SGMS2: variants seen among roughly 807,000 people sequenced by gnomAD.
The protein encoded by SGMS2 is phosphatidylcholine:ceramide cholinephosphotransferase 2.
A neutral mutation model predicts 43.8 loss-of-function variants in SGMS2; 21 were observed. That is an observed-to-expected ratio of 0.48 (90% CI 0.34 to 0.69). The LOEUF (loss-of-function observed/expected upper bound fraction) is 0.69, where lower values mean the gene tolerates loss of function less well. Among genes scored for constraint, SGMS2 ranks in the 30% least tolerant of loss-of-function variants. The pLI is 0.01. For missense variants in SGMS2, 384 were observed against 443.2 expected, an observed-to-expected ratio of 0.87 and a Z score of 1.20; for synonymous variants, 167 against 160.6, an observed-to-expected ratio of 1.04 and a Z score of -0.30.
At chr4:107,901,160 G>A (rs1268377014) in intron 4 of SGMS2, among the ~76,000 whole-genome samples, 1 of 152,154 alleles carries the variant, frequency 6.6e-6, no homozygotes, top group African/African-American at 2.4e-5. Flanking sequence ...GCTACAAATA[G>A]TCATAGTGGA....
chr4:107,874,172 C>T (rs1195459825), intron 2 of SGMS2: 3 of 152,130 alleles, frequency 2.0e-5, no homozygotes, highest in African/African-American at 7.2e-5. Flanking sequence ...GGGATCACAG[C>T]ATAATTAATG....
intron 2 of SGMS2, among the ~76,000 whole-genome samples, chr4:107,879,108 ATTT>A (rs373759605): frequency 2.9e-4 from 41 of 142,304 alleles, no homozygotes; most frequent in African/African-American, 8.4e-4. Flanking sequence ...CTACCTGGCC[ATTT>A]TTTTTTTTTT....
rs533373239 is a variant in SGMS2 at position 107,876,616 on chromosome 4, T to C, written c.-245+18063T>C. On this transcript the variant is annotated intron_variant, in intron 2 of 6. Coordinates refer to ENST00000690982, the MANE Select transcript of SGMS2 (RefSeq NM_001375905.1). ...AATATATACACTGGTCTCCATGTGG[T>C]AGAGGGAGCAATCAATATGTGGATT... Among the ~76,000 whole-genome samples, 58 of 152,316 alleles carry C rather than the reference T, an allele frequency of 3.8e-4. 1 individual carries two copies. Among genetic ancestry groups the C allele is most frequent in the African/African-American group, 1.3e-3 (53 of 41,570 alleles).
intron 2 of SGMS2, among the ~76,000 whole-genome samples, chr4:107,880,628 G>T (rs1184453893): frequency 6.6e-6 from 1 of 152,018 alleles, no homozygotes; most frequent in Non-Finnish European, 1.5e-5. Context: ...GGCTGAGATG[G>T]GTGAATTACT....
chr4:107,885,496 A>G lies in SGMS2; in HGVS notation c.-244-9814A>G, dbSNP rs1481915147. On this transcript the variant is annotated intron_variant, in intron 2 of 6. Transcript: ENST00000690982. Reference sequence around the variant, plus strand: ...ATTTTAGCTGTGTAATATATGTTCTAATACCTAGTGGGAAAAGTCTTCTGC... The same window carrying G: ...ATTTTAGCTGTGTAATATATGTTCTGATACCTAGTGGGAAAAGTCTTCTGC... Among the ~76,000 whole-genome samples, 4 of 152,194 alleles carry G rather than the reference A, an allele frequency of 2.6e-5. 1 individual carries two copies. Among genetic ancestry groups the G allele is most frequent in the Non-Finnish European group, 5.9e-5 (4 of 68,032 alleles).
intron 2 of SGMS2, among the ~76,000 whole-genome samples, chr4:107,891,177 A>G (rs774623137): frequency 2.0e-5 from 3 of 148,744 alleles, no homozygotes; most frequent in African/African-American, 5.0e-5. Flanking sequence ...GTGTGTGTCT[A>G]TGAGAATTTA....
chr4:107,896,766 A>G (rs1249225904), intron 3 of SGMS2, among the ~76,000 whole-genome samples: 4 of 152,182 alleles, frequency 2.6e-5, no homozygotes. Context: ...TAAGAATTGG[A>G]CATAGCCCTG....
At chr4:107,870,881 A>C (rs1307584939) in intron 2 of SGMS2, among the ~76,000 whole-genome samples, 1 of 152,204 alleles carries the variant, frequency 6.6e-6, no homozygotes, top group Non-Finnish European at 1.5e-5. Flanking sequence ...ATAGGCAAGC[A>C]CTTTTATTTA....
upstream of SGMS2, chr4:107,824,871 G>C (rs77628266): frequency 0.013 from 2,054 of 152,670 alleles, 47 homozygotes; most frequent in African/African-American, 0.046. Flanking sequence ...GCTGGGCGCA[G>C]GGCGCAGGGA....
chr4:107,908,429 A>C, intron 5 of SGMS2, 136 bp from the exon 6 acceptor site: 1 of 852,234 alleles, frequency 1.2e-6, no homozygotes, highest in East Asian at 2.5e-5. Flanking sequence ...ATAGTGACTC[A>C]GTTTAGGTTA....
chr4:107,830,968 C>G (rs1367867741), intron 1 of SGMS2, among the ~76,000 whole-genome samples: 1 of 152,114 alleles, frequency 6.6e-6, no homozygotes, highest in African/African-American at 2.4e-5. Context: ...ACTATAAGTA[C>G]TAGTGAAGAT....
At chr4:107,898,174 A>G (rs974234088) in intron 3 of SGMS2, among the ~76,000 whole-genome samples, 3 of 152,128 alleles carry the variant, frequency 2.0e-5, no homozygotes, top group African/African-American at 7.2e-5. Flanking sequence ...AGTACCAGGA[A>G]AGGCAGAACT....
chr4:107,887,831 T>C (rs1219912955), intron 2 of SGMS2, among the ~76,000 whole-genome samples: 3 of 152,168 alleles, frequency 2.0e-5, no homozygotes, highest in African/African-American at 7.2e-5. Context: ...TGAAGCCAAT[T>C]AAATTTGTTT....
At chr4:107,838,793 T>C (rs1726339238) in intron 1 of SGMS2, among the ~76,000 whole-genome samples, 2 of 152,182 alleles carry the variant, frequency 1.3e-5, no homozygotes, top group African/African-American at 4.8e-5. Context: ...TGGATGCTGC[T>C]TTTTGCTTAT....
At chr4:107,866,717 C>A (rs1378714615) in intron 2 of SGMS2, among the ~76,000 whole-genome samples, 3 of 151,984 alleles carry the variant, frequency 2.0e-5, no homozygotes, top group South Asian at 2.1e-4. Context: ...TACCCTATTT[C>A]TTTTCTTTCT....
Position 107,911,484 on chromosome 4 carries a change from A to T in SGMS2, c.*931A>T, listed in dbSNP as rs1476221577. On this transcript the variant is annotated 3_prime_UTR_variant, in exon 7 of 7. Coordinates refer to ENST00000690982, the MANE Select transcript of SGMS2 (RefSeq NM_001375905.1). ...TTTCCAGGTCAGGCCCTGGTGTGAG[A>T]TCAATTTTAGGGCTCCTAATTGGAG... The T allele has an allele frequency of 6.6e-6, 1 of 152,202 alleles. No homozygotes were observed. 9.4% of individuals were successfully genotyped at this position (152,202 alleles called of 1,614,324 possible). A position where few individuals can be genotyped will look rare whatever the true frequency, so the allele number is the denominator to read the frequency against.
In SGMS2 at chr4:107,903,377, A is replaced by T; in HGVS notation, c.718A>T (p.Ile240Phe). 6.2e-7 allele frequency: 1 copy of T among 1,613,876 alleles called. No individual in the cohort carries two copies. The change falls in exon 5 of 7, where the codon ATC (isoleucine) becomes TTC (phenylalanine). Residue 240 changes from isoleucine (I) to phenylalanine (F), a missense_variant. Ile to Phe is a conservative substitution (Grantham distance 21). Transcript: ENST00000690982. ...TACGCTGACACTGACTTATTTGTTC[A>T]TCAAAGAATGTAAGTAATAGCCCAT... Reference protein sequence around the residue: ...TVTLTLTYLFIKEYSPRHFWW... With the variant: ...TVTLTLTYLFFKEYSPRHFWW...
intron 1 of SGMS2, among the ~76,000 whole-genome samples, chr4:107,828,515 C>A (rs1725720177): frequency 6.6e-6 from 1 of 152,190 alleles, no homozygotes; most frequent in Admixed American, 6.5e-5. Context: ...CATACTCTTA[C>A]ACAGCATCAT....
At chr4:107,901,879 G>A (rs901111059) in intron 4 of SGMS2, among the ~76,000 whole-genome samples, 1 of 151,854 alleles carries the variant, frequency 6.6e-6, no homozygotes, top group Non-Finnish European at 1.5e-5. Flanking sequence ...CTTGGCCATA[G>A]GTGGCCAAAC....
Sources: gnomAD v4.1 joint callset for allele counts (sites outside exome capture counted in the v4.1 genomes callset) on GRCh38, gnomAD v4.1.1 for gene constraint, MANE v1.5 for transcripts, NCBI Gene and HGNC (gene_info 2026-07-23, HGNC 2026-07-21) for gene names.